FOXP1: variants seen among roughly 807,000 people sequenced by gnomAD.
The protein encoded by FOXP1 is forkhead box P1.
A neutral mutation model predicts 98.2 loss-of-function variants in FOXP1; 15 were observed. That is an observed-to-expected ratio of 0.15 (90% CI 0.10 to 0.24). The LOEUF (loss-of-function observed/expected upper bound fraction) is 0.24, where lower values mean the gene tolerates loss of function less well. FOXP1 is among the 10% of genes least tolerant of loss of function. The pLI is 1.00. For synonymous variants in FOXP1, 371 were observed against 314.5 expected, an observed-to-expected ratio of 1.18 and a Z score of -1.90; for missense variants, 633 against 848.5, an observed-to-expected ratio of 0.75 and a Z score of 3.15.
At chr3:71,425,656 C>T (rs1241782369) in intron 3 of FOXP1, among the ~76,000 whole-genome samples, 1 of 151,886 alleles carries the variant, frequency 6.6e-6, no homozygotes, top group Admixed American at 6.6e-5. Context: ...CCTTACTCAA[C>T]CATAATAACT....
At chr3:71,061,526 T>TA (rs1352600522) in intron 7 of FOXP1, among the ~76,000 whole-genome samples, 6 of 152,194 alleles carry the variant, frequency 3.9e-5, no homozygotes, top group African/African-American at 1.4e-4. Context: ...GCAAGCGTTA[T>TA]AATTTATTAT....
chr3:70,998,918 A>G (rs2041753507), intron 13 of FOXP1, among the ~76,000 whole-genome samples: 1 of 152,130 alleles, frequency 6.6e-6, no homozygotes, highest in Non-Finnish European at 1.5e-5. Flanking sequence ...ATGGCTGAAC[A>G]CTCTAATCTG....
intron 5 of FOXP1, among the ~76,000 whole-genome samples, chr3:71,209,765 T>C (rs1029735680): frequency 3.9e-5 from 6 of 152,206 alleles, no homozygotes; most frequent in African/African-American, 1.2e-4. Context: ...TTATCAGAGA[T>C]ACTATATTTA....
At chr3:71,192,069 T>C (rs1378523150) in intron 6 of FOXP1, among the ~76,000 whole-genome samples, 1 of 152,152 alleles carries the variant, frequency 6.6e-6, no homozygotes, top group Non-Finnish European at 1.5e-5. Flanking sequence ...AATACCTTCT[T>C]CTATGCCCCC....
intron 6 of FOXP1, among the ~76,000 whole-genome samples, chr3:71,158,922 T>C (rs1429436484): frequency 6.6e-6 from 1 of 151,784 alleles, no homozygotes; most frequent in Admixed American, 6.6e-5. Context: ...CTGGACAACA[T>C]AGGGAGACCC....
intron 6 of FOXP1, among the ~76,000 whole-genome samples, chr3:71,154,669 C>G (rs60952976): frequency 0.023 from 3,575 of 152,232 alleles, 159 homozygotes; most frequent in African/African-American, 0.082. Flanking sequence ...TTGGGCAAGT[C>G]ACCTAACCTT....
chr3:71,279,388 C>T (rs913069048), intron 5 of FOXP1, among the ~76,000 whole-genome samples: 1 of 152,016 alleles, frequency 6.6e-6, no homozygotes, highest in Non-Finnish European at 1.5e-5. Flanking sequence ...AGACACTTGG[C>T]GATGTCTACG....
chr3:71,005,686 T>G lies in FOXP1; in HGVS notation c.975-4627A>C, dbSNP rs1258790274. ...AATGTACCTCTTGTTTATCACCATA[T>G]GGAAGAAGCGCATAAAAAGCAGACG... On this transcript the variant is annotated intron_variant, in intron 12 of 20. Transcript: ENST00000649528. 3.3e-5 allele frequency among the ~76,000 whole-genome samples: 5 copies of G among 152,212 alleles called. No individual in the cohort carries two copies. In the East Asian group the frequency reaches 9.7e-4, roughly 29 times the overall value.
chr3:71,047,762 G>A (rs1178599931), intron 9 of FOXP1, among the ~76,000 whole-genome samples: 4 of 152,170 alleles, frequency 2.6e-5, no homozygotes, highest in Non-Finnish European at 5.9e-5. Flanking sequence ...CCTTAACATG[G>A]CTTTAGTCTC....
At chr3:71,124,632 A>G (rs191548296) in intron 6 of FOXP1, among the ~76,000 whole-genome samples, 9 of 147,754 alleles carry the variant, frequency 6.1e-5, no homozygotes, top group East Asian at 2.1e-4. Context: ...TGTAGATCAT[A>G]AACTGTGTGT....
At chr3:71,311,530 T>C (rs956313843) in intron 4 of FOXP1, among the ~76,000 whole-genome samples, 2 of 152,232 alleles carry the variant, frequency 1.3e-5, no homozygotes, top group Admixed American at 6.5e-5. Flanking sequence ...CTGTTCCTAC[T>C]GTTGTACGTA....
chr3:71,253,381 T>C (rs551792226), intron 5 of FOXP1, among the ~76,000 whole-genome samples: 1 of 138,394 alleles, frequency 7.2e-6, no homozygotes, highest in African/African-American at 2.8e-5. Flanking sequence ...TTTCCATCTT[T>C]AATATGGAAA....
At chr3:71,297,489 CAAA>C (rs756846802) in intron 5 of FOXP1, among the ~76,000 whole-genome samples, 2 of 93,048 alleles carry the variant, frequency 2.1e-5, no homozygotes, top group Non-Finnish European at 4.4e-5. Context: ...CAGGTGATTA[CAAA>C]AAAAAAAAAA....
At chr3:71,037,419 C>T (rs1028313810) in intron 11 of FOXP1, among the ~76,000 whole-genome samples, 7 of 152,076 alleles carry the variant, frequency 4.6e-5, no homozygotes, top group African/African-American at 1.7e-4. Context: ...TTTTCTAAAG[C>T]AAGACAATTA....
At chr3:71,322,261 C>T (rs2075433709) in intron 4 of FOXP1, among the ~76,000 whole-genome samples, 1 of 152,168 alleles carries the variant, frequency 6.6e-6, no homozygotes, top group Admixed American at 6.5e-5. Context: ...TAGTCATTAG[C>T]CACATGTGGC....
intron 7 of FOXP1, among the ~76,000 whole-genome samples, chr3:71,066,292 G>T (rs571162812): frequency 6.6e-6 from 1 of 152,210 alleles, no homozygotes; most frequent in Non-Finnish European, 1.5e-5. Context: ...TACTCTGGCT[G>T]TAAAAGAGAC....
chr3:71,002,583 G>A (rs2042252860), intron 12 of FOXP1, among the ~76,000 whole-genome samples: 2 of 152,126 alleles, frequency 1.3e-5, no homozygotes, highest in Admixed American at 1.3e-4. Context: ...TGAGAAAATG[G>A]CCTAGTTCAG....
At chr3:71,063,514 AAAAACAAAAACAGC>A (rs2051838206) in intron 7 of FOXP1, among the ~76,000 whole-genome samples, 1 of 152,272 alleles carries the variant, frequency 6.6e-6, no homozygotes, top group East Asian at 1.9e-4. Context: ...CTCGTTATAT[AAAAACAAAAACAGC>A]AAAACAGGGC....
At chr3:71,015,487 A>G in intron 12 of FOXP1, 62 bp downstream of exon 12, 8 of 1,158,666 alleles carry the variant, frequency 6.9e-6, no homozygotes, top group Non-Finnish European at 1.0e-5. Context: ...TTATGAGCAA[A>G]GCATGAACGG....
Sources: allele counts gnomAD v4.1 joint callset (sites outside exome capture counted in the v4.1 genomes callset), GRCh38; gene constraint gnomAD v4.1.1; transcripts MANE v1.5; gene names NCBI Gene and HGNC (gene_info 2026-07-23, HGNC 2026-07-21).